Variants in WWP2 observed in about 807,000 individuals in gnomAD.
The protein encoded by WWP2 is WW domain containing E3 ubiquitin protein ligase 2, also known as NEDD4-like E3 ubiquitin-protein ligase WWP2.
Under a neutral mutation model 121.0 loss-of-function variants are expected in WWP2, and 57 were observed. That is an observed-to-expected ratio of 0.47 (90% CI 0.38 to 0.59). The LOEUF (loss-of-function observed/expected upper bound fraction) is 0.59, where lower values mean the gene tolerates loss of function less well. Among genes scored for constraint, WWP2 ranks in the 20% least tolerant of loss-of-function variants. The probability of loss-of-function intolerance (pLI) is 0.00; values close to 1 mark genes in which losing one functional copy is unlikely to be tolerated. For missense variants in WWP2, 962 were observed against 1,158.9 expected (o/e 0.83, Z 2.47); for synonymous variants, 449 against 441.3 (o/e 1.02, Z -0.22).
intron 4 of WWP2, among the ~76,000 whole-genome samples, chr16:69,836,977 G>A (rs1404966733): frequency 6.6e-6 from 1 of 151,612 alleles, no homozygotes; most frequent in Admixed American, 6.6e-5. Context: ...AGGTTGGAGT[G>A]CCCTGGCATG....
chr16:69,830,903 G>A (rs1352870644), intron 4 of WWP2, among the ~76,000 whole-genome samples: 1 of 152,178 alleles, frequency 6.6e-6, no homozygotes, highest in African/African-American at 2.4e-5. Context: ...ATGGAAAGGA[G>A]ACTGTTTACT....
At chr16:69,815,818 A>G (rs2056479816) in intron 4 of WWP2, among the ~76,000 whole-genome samples, 1 of 151,484 alleles carries the variant, frequency 6.6e-6, no homozygotes, top group East Asian at 1.9e-4. Flanking sequence ...ATGGAATCAT[A>G]CATACTGTAT....
chr16:69,769,913 C>T (rs1208927804), intron 1 of WWP2, among the ~76,000 whole-genome samples: 3 of 144,778 alleles, frequency 2.1e-5, no homozygotes, highest in South Asian at 2.2e-4. Flanking sequence ...CTCGCTGTGT[C>T]GCCCAGGCTA....
At chr16:69,876,781 C>G (rs966106191) in intron 7 of WWP2, among the ~76,000 whole-genome samples, 16 of 152,176 alleles carry the variant, frequency 1.1e-4, no homozygotes, top group African/African-American at 3.4e-4. Context: ...CCTTGTAAAT[C>G]TCCATCAGAG....
chr16:69,841,404 T>C (rs1282835724), intron 5 of WWP2, among the ~76,000 whole-genome samples: 1 of 150,678 alleles, frequency 6.6e-6, no homozygotes, highest in African/African-American at 2.4e-5. Context: ...AAGGTGGGAG[T>C]GTGGGGTAAA....
chr16:69,847,511 G>A (rs1172813436), intron 6 of WWP2, among the ~76,000 whole-genome samples: 2 of 150,938 alleles, frequency 1.3e-5, no homozygotes, highest in African/African-American at 4.9e-5. Context: ...CCAGGTTCAA[G>A]CTATTCTCCT....
chr16:69,851,878 G>C (rs1430500493), intron 6 of WWP2, among the ~76,000 whole-genome samples: 1 of 152,140 alleles, frequency 6.6e-6, no homozygotes, highest in Non-Finnish European at 1.5e-5. Flanking sequence ...AGCTACTCGG[G>C]AGGCTGAGGC....
chr16:69,918,389 A>C (rs149438486), intron 10 of WWP2, among the ~76,000 whole-genome samples: 2 of 152,352 alleles, frequency 1.3e-5, no homozygotes, highest in East Asian at 3.9e-4. Flanking sequence ...AGGGATTGGC[A>C]AATAATAGTC....
intron 10 of WWP2, 99 bp downstream of exon 10, chr16:69,917,982 A>G: frequency 6.9e-7 from 1 of 1,447,676 alleles, no homozygotes; most frequent in Non-Finnish European, 9.3e-7. Context: ...GAGCAGGGAA[A>G]ACAGCGTCTG....
intron 6 of WWP2, among the ~76,000 whole-genome samples, chr16:69,850,439 C>T (rs1467611998): frequency 2.0e-5 from 3 of 150,364 alleles, no homozygotes; most frequent in Non-Finnish European, 4.4e-5. Context: ...CAGGGAGTGT[C>T]TCTAGTAGGA....
At chr16:69,889,133 G>C (rs2057980380) in intron 8 of WWP2, among the ~76,000 whole-genome samples, 1 of 151,170 alleles carries the variant, frequency 6.6e-6, no homozygotes, top group Admixed American at 6.6e-5. Context: ...GGGCAATATA[G>C]TGATATCCTG....
chr16:69,922,606 A>G (rs999239660), intron 10 of WWP2, among the ~76,000 whole-genome samples: 2 of 152,044 alleles, frequency 1.3e-5, no homozygotes, highest in African/African-American at 4.8e-5. Flanking sequence ...CTCTCATTTT[A>G]GGGGAATGTG....
chr16:69,886,603 T>TA (rs1393322795), intron 7 of WWP2, among the ~76,000 whole-genome samples: 1 of 152,104 alleles, frequency 6.6e-6, no homozygotes, highest in Non-Finnish European at 1.5e-5. Flanking sequence ...CTATTAAAAA[T>TA]ACAAAAATTA....
chr16:69,813,257 G>A (rs2056429318), intron 4 of WWP2, among the ~76,000 whole-genome samples: 1 of 151,862 alleles, frequency 6.6e-6, no homozygotes, highest in South Asian at 2.1e-4. Flanking sequence ...CCGCCTCCTG[G>A]GTTCAAGCGA....
chr16:69,931,647 G>A (rs557663990), intron 15 of WWP2, 67 bp downstream of exon 15: 154 of 1,603,924 alleles, frequency 9.6e-5, no homozygotes, highest in Admixed American at 2.0e-4. Flanking sequence ...ATCTCCTATC[G>A]CGTGGCCTGT....
rs113051851 is a variant in WWP2, at chr16:69,813,098, A to G, written c.340+13803A>G. Among the ~76,000 whole-genome samples the G allele has an allele frequency of 7.6e-3, 1,149 of 151,050 alleles. 16 individuals are homozygous for G. The highest frequency in any genetic ancestry group is 0.026 in the African/African-American group (1,068 of 41,130). On this transcript the variant is annotated intron_variant, in intron 4 of 23. Transcript: ENST00000359154. ...CATGTATGCGTGTGTGTAGGTATGTATTATCAGCTTCTACTCATGGATTCA... is the reference window on the plus strand; with the variant it reads ...CATGTATGCGTGTGTGTAGGTATGTGTTATCAGCTTCTACTCATGGATTCA...
chr16:69,850,658 G>A (rs76202767), intron 6 of WWP2, among the ~76,000 whole-genome samples: 7,636 of 152,250 alleles, frequency 0.05, 669 homozygotes, highest in African/African-American at 0.17. Context: ...TACAGCATGA[G>A]TGAAGGCAAG....
Position 69,787,088 on chromosome 16 carries a change from G to A in WWP2, c.70+8G>A, listed in dbSNP as rs761444505. ...CTCAGCTCACTTTGAAAGGTGAGTG[G>A]CACTGTATAATGTCTTCATCTTGTC... On this transcript the variant is annotated splice_region_variant and intron_variant, in intron 2 of 23. Transcript: ENST00000359154. 30 of 1,612,188 alleles carry A rather than the reference G, an allele frequency of 1.9e-5. No individual in the cohort carries two copies. Among genetic ancestry groups the A allele is most frequent in the Admixed American group, 3.3e-5 (2 of 59,798 alleles).
intron 6 of WWP2, among the ~76,000 whole-genome samples, chr16:69,848,436 G>A (rs2057127448): frequency 6.6e-6 from 1 of 150,542 alleles, no homozygotes. Context: ...GTCAACAAGA[G>A]CAAAGCTCCA....
Sources: allele counts gnomAD v4.1 joint callset (sites outside exome capture counted in the v4.1 genomes callset), GRCh38; gene constraint gnomAD v4.1.1; transcripts MANE v1.5; gene names NCBI Gene and HGNC (gene_info 2026-07-23, HGNC 2026-07-21).